The following RAD51B variants were observed in gnomAD, a reference collection of about 807,000 sequenced individuals.
RAD51B encodes RAD51 paralog B.
A neutral mutation model predicts 42.2 loss-of-function variants in RAD51B; 38 were observed. That is an observed-to-expected ratio of 0.90 (90% CI 0.70 to 1.18). RAD51B has a LOEUF of 1.18. Among genes scored for constraint, RAD51B ranks in the 50% most tolerant of loss-of-function variants. RAD51B has a pLI of 0.00. For missense variants in RAD51B, 373 were observed against 400.7 expected, an observed-to-expected ratio of 0.93 and a Z score of 0.59; for synonymous variants, 154 against 145.2, an observed-to-expected ratio of 1.06 and a Z score of -0.43.
intron 7 of RAD51B, among the ~76,000 whole-genome samples, chr14:68,137,912 G>A (rs2078044324): frequency 6.6e-6 from 1 of 152,166 alleles, no homozygotes; most frequent in Non-Finnish European, 1.5e-5. Context: ...CTGGGCCCTG[G>A]AGACATGGGC....
At chr14:68,265,930 A>G (rs2080982857) in intron 7 of RAD51B, among the ~76,000 whole-genome samples, 1 of 152,242 alleles carries the variant, frequency 6.6e-6, no homozygotes, top group Non-Finnish European at 1.5e-5. Context: ...TGAATTATAA[A>G]TGTAGCAGCA....
intron 7 of RAD51B, among the ~76,000 whole-genome samples, chr14:68,252,085 A>G (rs1039335840): frequency 6.6e-6 from 1 of 152,216 alleles, no homozygotes; most frequent in Non-Finnish European, 1.5e-5. Context: ...CAACTTGTAC[A>G]AAAGAGCAAG....
At chr14:68,515,778 C>CTTTT (rs546071661) in intron 10 of RAD51B, among the ~76,000 whole-genome samples, 8 of 113,378 alleles carry the variant, frequency 7.1e-5, no homozygotes, top group Non-Finnish European at 1.1e-4. Flanking sequence ...CTTTTCTTTT[C>CTTTT]TTTTTTTTTT....
chr14:68,077,087 C>T (rs543894695), intron 7 of RAD51B, among the ~76,000 whole-genome samples: 2 of 152,252 alleles, frequency 1.3e-5, no homozygotes, highest in African/African-American at 4.8e-5. Context: ...CATATAACAG[C>T]AACAGGGTTA....
chr14:68,566,288 C>G (rs886665091), intron 10 of RAD51B, among the ~76,000 whole-genome samples: 3 of 152,164 alleles, frequency 2.0e-5, no homozygotes, highest in Non-Finnish European at 4.4e-5. Flanking sequence ...TGACAAAACC[C>G]TATCTTCAGC....
intron 8 of RAD51B, chr14:68,306,782 C>A: frequency 5.6e-6 from 2 of 355,670 alleles, no homozygotes; most frequent in Non-Finnish European, 1.2e-5. Context: ...GTGGGAAAGA[C>A]CTGGTAGAGA....
intron 7 of RAD51B, among the ~76,000 whole-genome samples, chr14:68,038,700 C>T (rs886237334): frequency 6.6e-6 from 1 of 151,926 alleles, no homozygotes; most frequent in African/African-American, 2.4e-5. Flanking sequence ...GGATGTGGTA[C>T]GTGGCCAATG....
intron 10 of RAD51B, chr14:68,540,072 G>C (rs1163942012): frequency 1.9e-6 from 1 of 532,968 alleles, no homozygotes; most frequent in Non-Finnish European, 2.4e-6. Flanking sequence ...CTGTACCAAA[G>C]CAATAGAGGG....
At chr14:68,294,531 T>C (rs1410662988) in intron 8 of RAD51B, among the ~76,000 whole-genome samples, 5 of 152,238 alleles carry the variant, frequency 3.3e-5, no homozygotes, top group Non-Finnish European at 2.9e-5. Context: ...AGCTTTGCCA[T>C]TGTGTTATTA....
chr14:68,602,694 G>A (rs1424014544), intron 10 of RAD51B, among the ~76,000 whole-genome samples: 9 of 152,166 alleles, frequency 5.9e-5, no homozygotes, highest in South Asian at 2.1e-4. Context: ...GCCCACCCAC[G>A]TTGCGGAAGG....
intron 7 of RAD51B, among the ~76,000 whole-genome samples, chr14:68,102,949 C>T (rs994181151): frequency 1.3e-5 from 2 of 152,094 alleles, no homozygotes; most frequent in Admixed American, 6.5e-5. Flanking sequence ...CAAACATGTC[C>T]TTCTTCACAT....
chr14:68,240,389 A>G (rs2080358183), intron 7 of RAD51B, among the ~76,000 whole-genome samples: 1 of 152,214 alleles, frequency 6.6e-6, no homozygotes, highest in Non-Finnish European at 1.5e-5. Flanking sequence ...GCGGAGAGAA[A>G]AAGAAGACAT....
intron 7 of RAD51B, among the ~76,000 whole-genome samples, chr14:68,189,881 G>A (rs1248601435): frequency 6.6e-6 from 1 of 152,040 alleles, no homozygotes. Flanking sequence ...GATCAGGCTG[G>A]CCTTGAACTC....
At chr14:68,176,094 C>G (rs1000694482) in intron 7 of RAD51B, among the ~76,000 whole-genome samples, 4 of 152,188 alleles carry the variant, frequency 2.6e-5, no homozygotes, top group African/African-American at 9.7e-5. Flanking sequence ...CATTTGGATG[C>G]TGTGTTCGTT....
At chr14:68,152,886 G>C (rs1049002607) in intron 7 of RAD51B, among the ~76,000 whole-genome samples, 23 of 152,084 alleles carry the variant, frequency 1.5e-4, no homozygotes, top group African/African-American at 5.6e-4. Flanking sequence ...GTTCACTAAG[G>C]ATAATGGCCT....
chr14:67,948,300 C>T (rs1045867479), intron 7 of RAD51B, among the ~76,000 whole-genome samples: 3 of 152,134 alleles, frequency 2.0e-5, no homozygotes, highest in Admixed American at 2.0e-4. Context: ...TTTTGAACTT[C>T]TCTGGTTGTA....
intron 8 of RAD51B, among the ~76,000 whole-genome samples, chr14:68,341,921 A>C (rs1344477929): frequency 6.6e-6 from 1 of 152,212 alleles, no homozygotes; most frequent in Non-Finnish European, 1.5e-5. Flanking sequence ...GTGCACTTTC[A>C]CATCCTGTGG....
intron 5 of RAD51B, among the ~76,000 whole-genome samples, chr14:67,869,425 A>G (rs896137986): frequency 6.6e-5 from 10 of 152,138 alleles, no homozygotes; most frequent in Admixed American, 2.6e-4. Flanking sequence ...TCCAAGAAAT[A>G]TGGGACTATG....
At chr14:68,615,903 C>T (rs997412110), downstream of RAD51B, among the ~76,000 whole-genome samples, 7 of 152,164 alleles carry the variant, frequency 4.6e-5, no homozygotes, top group Non-Finnish European at 1.0e-4. Flanking sequence ...CATTTAATTA[C>T]AAGTACATGT....
Sources: gnomAD v4.1 joint callset for allele counts (sites outside exome capture counted in the v4.1 genomes callset) on GRCh38, gnomAD v4.1.1 for gene constraint, MANE v1.5 for transcripts, NCBI Gene and HGNC (gene_info 2026-07-23, HGNC 2026-07-21) for gene names.